The following ADGRL2 variants were observed in gnomAD, a reference collection of about 807,000 sequenced individuals.
ADGRL2 encodes the protein adhesion G protein-coupled receptor L2, also known as calcium-independent alpha-latrotoxin receptor 2.
A neutral mutation model predicts 157.4 loss-of-function variants in ADGRL2; 44 were observed. The observed-to-expected ratio is 0.28, with a 90% CI of 0.22 to 0.36. ADGRL2 has a LOEUF of 0.36. Ranked by LOEUF, ADGRL2 falls within the 10% of genes least tolerant of loss-of-function variation. ADGRL2 has a pLI of 1.00. For missense variants in ADGRL2, 1,510 were observed against 1,768.9 expected, an observed-to-expected ratio of 0.85 and a Z score of 2.63; for synonymous variants, 585 against 624.7, an observed-to-expected ratio of 0.94 and a Z score of 0.95.
chr1:81,852,110 A>G (rs961764754), intron 2 of ADGRL2, among the ~76,000 whole-genome samples: 1 of 152,054 alleles, frequency 6.6e-6, no homozygotes, highest in Non-Finnish European at 1.5e-5. Context: ...CAGAAGTGCT[A>G]GTTTCTAATC....
At chr1:81,367,472 T>C (rs1015824571) in intron 1 of ADGRL2, among the ~76,000 whole-genome samples, 1 of 152,226 alleles carries the variant, frequency 6.6e-6, no homozygotes, top group African/African-American at 2.4e-5. Context: ...CATGTGGTGT[T>C]TGGTTTTCTG....
At chr1:81,709,607 G>T (rs2149070743) in intron 1 of ADGRL2, among the ~76,000 whole-genome samples, 1 of 151,716 alleles carries the variant, frequency 6.6e-6, no homozygotes, top group Admixed American at 6.6e-5. Context: ...CTTTATTCTT[G>T]TTTCTGTGAG....
At chr1:81,591,035 A>AG (rs959033151) in intron 3 of ADGRL2, among the ~76,000 whole-genome samples, 1 of 152,170 alleles carries the variant, frequency 6.6e-6, no homozygotes, top group African/African-American at 2.4e-5. Context: ...CTTCCTTAGC[A>AG]GGCCATCAAT....
At chr1:81,897,958 C>T in intron 2 of ADGRL2, among the ~76,000 whole-genome samples, 1 of 152,012 alleles carries the variant, frequency 6.6e-6, no homozygotes, top group African/African-American at 2.4e-5. Flanking sequence ...TTTAGCTGGG[C>T]ATGGTGGCAT....
intron 3 of ADGRL2, among the ~76,000 whole-genome samples, chr1:81,674,284 C>A (rs2082937638): frequency 6.6e-6 from 1 of 152,152 alleles, no homozygotes; most frequent in Admixed American, 6.5e-5. Flanking sequence ...AGACCCAATT[C>A]TCTAATCTGA....
At position 81,889,723 on chromosome 1, in the gene ADGRL2, C is replaced by T. The variant is rs1406720202; in HGVS notation, c.74-17294C>T. 3.9e-5 allele frequency among the ~76,000 whole-genome samples: 6 copies of T among 152,228 alleles called. No homozygotes were observed. In the East Asian group the frequency reaches 1.2e-3, roughly 29 times the overall value. ...CTGTTGGAAGAAGATGCCCTCTAGA[C>T]TCTTCATAGCTGAAGAGAAGTCAGT... On this transcript the variant is annotated intron_variant, in intron 2 of 23. Transcript: ENST00000686636.
chr1:81,528,219 T>C (rs1227446604), intron 2 of ADGRL2, among the ~76,000 whole-genome samples: 1 of 152,200 alleles, frequency 6.6e-6, no homozygotes, highest in Non-Finnish European at 1.5e-5. Flanking sequence ...TAACCAGTTT[T>C]AGATATTTTG....
chr1:81,858,166 AACTC>A (rs1165717653), intron 2 of ADGRL2, among the ~76,000 whole-genome samples: 20 of 152,142 alleles, frequency 1.3e-4, no homozygotes, highest in African/African-American at 4.3e-4. Context: ...TGGCCACTAA[AACTC>A]AGTATTATTC....
intron 1 of ADGRL2, among the ~76,000 whole-genome samples, chr1:81,320,688 G>A (rs932918307): frequency 6.6e-6 from 1 of 152,110 alleles, no homozygotes; most frequent in Non-Finnish European, 1.5e-5. Flanking sequence ...CTTCATAATG[G>A]GCTTAAAATA....
At chr1:81,369,133 G>A (rs1217601051) in intron 1 of ADGRL2, among the ~76,000 whole-genome samples, 1 of 152,046 alleles carries the variant, frequency 6.6e-6, no homozygotes, top group Non-Finnish European at 1.5e-5. Flanking sequence ...ATGTGGGTGT[G>A]GGAGGGTTGG....
At chr1:81,841,485 A>C (rs1171625125) in intron 2 of ADGRL2, among the ~76,000 whole-genome samples, 1 of 152,192 alleles carries the variant, frequency 6.6e-6, no homozygotes, top group Non-Finnish European at 1.5e-5. Flanking sequence ...TGGCATATAG[A>C]TATTTCCTTC....
At chr1:81,863,674 A>G (rs1251375125) in intron 2 of ADGRL2, among the ~76,000 whole-genome samples, 2 of 152,170 alleles carry the variant, frequency 1.3e-5, no homozygotes, top group East Asian at 1.9e-4. Flanking sequence ...TTTATGGCTA[A>G]TTAAGGGGTG....
chr1:81,834,672 T>C (rs533573720), intron 1 of ADGRL2, among the ~76,000 whole-genome samples: 4 of 152,252 alleles, frequency 2.6e-5, no homozygotes, highest in African/African-American at 9.6e-5. Context: ...TGGGCACAGG[T>C]TGTAGAATGA....
At chr1:81,307,831 T>TAC (rs5775606) in intron 1 of ADGRL2, among the ~76,000 whole-genome samples, 111,590 of 151,534 alleles carry the variant, frequency 0.74, 42,037 homozygotes, top group African/African-American at 0.83. Flanking sequence ...TTCTTTTTGA[T>TAC]AGAGTCTTCT....
chr1:81,969,377 C>A lies in ADGRL2; in HGVS notation c.2723C>A (p.Thr908Lys). 6.2e-7 allele frequency: 1 copy of A among 1,611,180 alleles called. No homozygotes were observed. Among genetic ancestry groups the A allele is most frequent in the Non-Finnish European group, 8.5e-7 (1 of 1,177,496 alleles). ...EFIFLIGIDK[T>K]KYAIACPIFA... ...ATTTTCCTAATAGGCATTGATAAGA[C>A]AAAATATGCGGTAAGCACCAGTTGA... is the stretch of plus-strand genomic sequence containing the variant. Residue 908 changes from threonine (T) to lysine (K), a missense_variant, in exon 15 of 24, where the codon ACA (threonine) becomes AAA (lysine). Physicochemically the swap from Thr to Lys is moderately conservative, Grantham distance 78 (BLOSUM62 -1). Around this residue, in one of 4 missense-constraint regions of ADGRL2, gnomAD observed 497 missense variants for 627.2 expected, o/e 0.79. Transcript: ENST00000686636.
intron 2 of ADGRL2, among the ~76,000 whole-genome samples, chr1:81,855,848 A>C (rs532460801): frequency 6.6e-6 from 1 of 152,324 alleles, no homozygotes; most frequent in South Asian, 2.1e-4. Context: ...GAGACTAGAA[A>C]AAATATTGAA....
intron 1 of ADGRL2, among the ~76,000 whole-genome samples, chr1:81,340,869 A>G (rs1662019665): frequency 6.6e-6 from 1 of 151,160 alleles, no homozygotes; most frequent in African/African-American, 2.4e-5. Flanking sequence ...ACATTCTCTC[A>G]TGGAAAGTTG....
intron 2 of ADGRL2, among the ~76,000 whole-genome samples, chr1:81,874,573 A>T (rs930573891): frequency 1.3e-5 from 2 of 150,878 alleles, no homozygotes; most frequent in Non-Finnish European, 1.5e-5. Flanking sequence ...TCCTGATCTG[A>T]GTTTTCTTTC....
chr1:81,921,808 A>G (rs1310524188), intron 3 of ADGRL2, among the ~76,000 whole-genome samples: 1 of 152,308 alleles, frequency 6.6e-6, no homozygotes, highest in East Asian at 1.9e-4. Flanking sequence ...TCATATGGTT[A>G]TGGAACCATG....
Sources: gnomAD v4.1 joint callset for allele counts (sites outside exome capture counted in the v4.1 genomes callset) on GRCh38, gnomAD v4.1.1 for gene constraint, gnomAD v4.1.1 regional missense constraint, MANE v1.5 for transcripts, NCBI Gene and HGNC (gene_info 2026-07-23, HGNC 2026-07-21) for gene names.